FGD4: variants seen among roughly 807,000 people sequenced by gnomAD.
The protein encoded by FGD4 is FYVE, RhoGEF and PH domain containing 4, also known as FYVE, RhoGEF and PH domain-containing protein 4.
A neutral mutation model predicts 102.0 loss-of-function variants in FGD4; 42 were observed. The observed-to-expected ratio is 0.41, with a 90% CI of 0.32 to 0.53. The LOEUF is 0.53. FGD4 is among the 20% of genes least tolerant of loss of function. The probability of loss-of-function intolerance (pLI) is 0.21; values close to 1 mark genes in which losing one functional copy is unlikely to be tolerated. For synonymous variants in FGD4, 380 were observed against 375.7 expected (o/e 1.01, Z -0.13); for missense variants, 902 against 1,078.2 (o/e 0.84, Z 2.29).
intron 1 of FGD4, among the ~76,000 whole-genome samples, chr12:32,485,480 G>A (rs1401053562): frequency 8.6e-6 from 1 of 115,804 alleles, no homozygotes; most frequent in Non-Finnish European, 1.7e-5. Flanking sequence ...TCGCCCTGTT[G>A]CCCAGGCTGG....
chr12:32,509,393 T>C (rs549174005), intron 1 of FGD4, among the ~76,000 whole-genome samples: 2 of 152,220 alleles, frequency 1.3e-5, no homozygotes, highest in South Asian at 2.1e-4. Context: ...TAAGAAGTCC[T>C]CAGGTGGTTA....
intron 1 of FGD4, among the ~76,000 whole-genome samples, chr12:32,453,878 C>G (rs994295611): frequency 6.6e-6 from 1 of 151,974 alleles, no homozygotes. Flanking sequence ...TCAAAACTAT[C>G]TTTATATTAG....
At chr12:32,405,716 A>G (rs1940904543) in intron 1 of FGD4, among the ~76,000 whole-genome samples, 1 of 152,050 alleles carries the variant, frequency 6.6e-6, no homozygotes, top group South Asian at 2.1e-4. Context: ...GAGGAACTGG[A>G]ATTTGTTGAG....
chr12:32,548,413 T>C (rs903871695), intron 1 of FGD4, among the ~76,000 whole-genome samples: 1 of 152,246 alleles, frequency 6.6e-6, no homozygotes, highest in South Asian at 2.1e-4. Context: ...GATCTTATGA[T>C]ACTTGTCTCA....
intron 1 of FGD4, among the ~76,000 whole-genome samples, chr12:32,424,832 C>CT (rs1385509297): frequency 1.3e-5 from 2 of 152,164 alleles, no homozygotes; most frequent in South Asian, 2.1e-4. Flanking sequence ...TGATGATGAG[C>CT]TTTTTTTCAT....
At chr12:32,451,934 C>T (rs888353536) in intron 1 of FGD4, among the ~76,000 whole-genome samples, 9 of 150,320 alleles carry the variant, frequency 6.0e-5, no homozygotes, top group Non-Finnish European at 1.3e-4. Flanking sequence ...CCTGCCCGAG[C>T]TATGTTCCCG....
intron 10 of FGD4, 89 bp from the exon 11 acceptor site, chr12:32,619,609 G>A (rs1259472368): frequency 6.9e-7 from 1 of 1,439,470 alleles, no homozygotes; most frequent in East Asian, 2.3e-5. Context: ...TCCAGCCTGG[G>A]CAACAGAGTG....
At chr12:32,623,432 A>C (rs552750122) in intron 11 of FGD4, among the ~76,000 whole-genome samples, 1 of 152,298 alleles carries the variant, frequency 6.6e-6, no homozygotes, top group Admixed American at 6.5e-5. Flanking sequence ...CACTTGGCAG[A>C]CACAGATTCC....
chr12:32,419,668 C>T (rs1445962935), intron 1 of FGD4, among the ~76,000 whole-genome samples: 1 of 152,210 alleles, frequency 6.6e-6, no homozygotes, highest in African/African-American at 2.4e-5. Flanking sequence ...TGTGGCCTAA[C>T]CTGCCCCTCA....
At chr12:32,586,692 G>A (rs1470874736) in intron 4 of FGD4, among the ~76,000 whole-genome samples, 1 of 152,184 alleles carries the variant, frequency 6.6e-6, no homozygotes, top group Non-Finnish European at 1.5e-5. Context: ...CAGAGGGTGA[G>A]AGACAAGGAA....
At chr12:32,601,503 C>T (rs1038780735) in intron 6 of FGD4, 80 bp downstream of exon 6, 2 of 1,489,180 alleles carry the variant, frequency 1.3e-6, no homozygotes, top group Non-Finnish European at 1.8e-6. Flanking sequence ...ATAGAAATGC[C>T]ACACACAACT....
At chr12:32,489,588 A>G (rs1591999593) in intron 1 of FGD4, among the ~76,000 whole-genome samples, 1 of 152,230 alleles carries the variant, frequency 6.6e-6, no homozygotes, top group East Asian at 1.9e-4. Context: ...TGATTTTACA[A>G]GAGGAAAGTT....
chr12:32,522,088 C>A (rs77583397), intron 1 of FGD4, among the ~76,000 whole-genome samples: 3,124 of 152,156 alleles, frequency 0.021, 72 homozygotes, highest in South Asian at 0.069. Context: ...CCCTTTTTAT[C>A]TTTGACCTTA....
chr12:32,439,970 A>G (rs1942373907), intron 1 of FGD4, among the ~76,000 whole-genome samples: 1 of 152,062 alleles, frequency 6.6e-6, no homozygotes, highest in Non-Finnish European at 1.5e-5. Flanking sequence ...TACATTTTTT[A>G]GCTCCAGAAC....
intron 3 of FGD4, 45 bp downstream of exon 3, chr12:32,576,494 C>T (rs749179569): frequency 5.0e-5 from 80 of 1,601,672 alleles, no homozygotes; most frequent in Non-Finnish European, 1.4e-5. Flanking sequence ...AAGAAGAAAG[C>T]TGATTTTCGA....
chr12:32,599,362 C>T (rs1162500598), intron 5 of FGD4, among the ~76,000 whole-genome samples: 6 of 143,536 alleles, frequency 4.2e-5, no homozygotes, highest in African/African-American at 1.1e-4. Context: ...GGCGTGGTAG[C>T]GGGCGCCTGT....
chr12:32,518,852 C>T (rs1057173486), intron 1 of FGD4, among the ~76,000 whole-genome samples: 33 of 151,632 alleles, frequency 2.2e-4, no homozygotes, highest in African/African-American at 7.2e-4. Flanking sequence ...CGGCAGCTCA[C>T]GCCTGTAATC....
At chr12:32,482,019 G>C (rs139887658) in intron 1 of FGD4, among the ~76,000 whole-genome samples, 1 of 151,986 alleles carries the variant, frequency 6.6e-6, no homozygotes, top group Non-Finnish European at 1.5e-5. Flanking sequence ...ACATGTCTTG[G>C]TACCTACACA....
Position 32,611,232 on chromosome 12 carries a change from C to A in FGD4, c.1698C>A (p.Ile566=). The A allele has an allele frequency of 2.5e-6, 4 of 1,614,188 alleles. No homozygotes were observed. The highest frequency in any genetic ancestry group is 2.2e-5 in the East Asian group (1 of 44,886). ...PSNELIKEGQ[I]LKLAARNTSA... ...ATGAACTAATAAAAGAAGGACAGAT[C>A]CTCAAACTAGCTGCTCGGAACACTT... Residue 566 remains isoleucine (I), a synonymous_variant, in exon 10 of 17, where the codon ATC becomes ATA. Transcript: ENST00000534526.
Sources: allele counts gnomAD v4.1 joint callset (sites outside exome capture counted in the v4.1 genomes callset), GRCh38; gene constraint gnomAD v4.1.1; transcripts MANE v1.5; gene names NCBI Gene and HGNC (gene_info 2026-07-23, HGNC 2026-07-21).